XRCC5: variants seen among roughly 807,000 people sequenced by gnomAD.
XRCC5 encodes X-ray repair cross complementing 5, also known as DNA repair protein Ku80.
In XRCC5, 12 loss-of-function variants were observed where a neutral mutation model predicts 95.7. That is an observed-to-expected ratio of 0.13 (90% CI 0.08 to 0.20). The LOEUF (loss-of-function observed/expected upper bound fraction) is 0.20, where lower values mean the gene tolerates loss of function less well. XRCC5 is among the 10% of genes least tolerant of loss of function. The pLI is 1.00. For synonymous variants in XRCC5, 281 were observed against 290.3 expected, an observed-to-expected ratio of 0.97 and a Z score of 0.33; for missense variants, 595 against 873.9, an observed-to-expected ratio of 0.68 and a Z score of 4.02.
At chr2:216,184,289 GAAAAC>G (rs1689451354) in intron 16 of XRCC5, among the ~76,000 whole-genome samples, 2 of 152,228 alleles carry the variant, frequency 1.3e-5, no homozygotes, top group African/African-American at 4.8e-5. Flanking sequence ...AAGTAGAAGT[GAAAAC>G]AATATTTTTT....
At position 216,206,189 on chromosome 2, in the gene XRCC5, C is replaced by T. The variant is rs191214016; in HGVS notation, c.*987C>T. On this transcript the variant is annotated 3_prime_UTR_variant, in exon 21 of 21. Transcript: ENST00000392132. ...CAGTTCCTCTTTGGTGTACAGACTT[C>T]TTGGTACCCAGTCACCTCTGTCTTC... The T allele has an allele frequency of 6.6e-6, 1 of 152,146 alleles. No individual in the cohort carries two copies. Among genetic ancestry groups the T allele is most frequent in the Non-Finnish European group, 1.5e-5 (1 of 68,032 alleles). 9.4% of individuals were successfully genotyped at this position (152,146 alleles called of 1,614,324 possible). A position where few individuals can be genotyped will look rare whatever the true frequency, so the allele number is the denominator to read the frequency against.
At chr2:216,118,489 C>G (rs549481105) in intron 4 of XRCC5, among the ~76,000 whole-genome samples, 1 of 152,222 alleles carries the variant, frequency 6.6e-6, no homozygotes, top group South Asian at 2.1e-4. Context: ...CTTCCTAATT[C>G]AGTATTTATT....
intron 13 of XRCC5, among the ~76,000 whole-genome samples, chr2:216,142,166 T>C (rs968274030): frequency 3.3e-5 from 5 of 152,198 alleles, no homozygotes; most frequent in African/African-American, 9.6e-5. Context: ...GATGCCTCTT[T>C]TATATTTTTT....
At chr2:216,164,366 GTTT>G (rs1205838289) in intron 16 of XRCC5, among the ~76,000 whole-genome samples, 2 of 152,322 alleles carry the variant, frequency 1.3e-5, no homozygotes, top group East Asian at 3.9e-4. Context: ...GCCACTAGCG[GTTT>G]CATATTTACT....
In XRCC5 at chr2:216,168,770, G is replaced by T. The variant is rs190803936; in HGVS notation, c.1834+6722G>T. Reference sequence around the variant, plus strand: ...CTTATAAAGGGTTACAGCTTGCAAGGTGGAAATAGCAAGGCCAAGTGGACC... The same window carrying T: ...CTTATAAAGGGTTACAGCTTGCAAGTTGGAAATAGCAAGGCCAAGTGGACC... On this transcript the variant is annotated intron_variant, in intron 16 of 20. Coordinates refer to ENST00000392132, the MANE Select transcript of XRCC5 (RefSeq NM_021141.4). Among the ~76,000 whole-genome samples the T allele has an allele frequency of 3.9e-5, 6 of 152,318 alleles. No individual in the cohort carries two copies. The East Asian group carries it at 1.2e-3, about 29-fold the overall frequency.
At chr2:216,182,847 A>G (rs576386246) in intron 16 of XRCC5, among the ~76,000 whole-genome samples, 33 of 152,140 alleles carry the variant, frequency 2.2e-4, no homozygotes, top group Admixed American at 2.0e-3. Flanking sequence ...GCTTTATGGG[A>G]TATGTTTAGT....
At chr2:216,142,132 G>C (rs1325541520) in intron 13 of XRCC5, among the ~76,000 whole-genome samples, 1 of 152,084 alleles carries the variant, frequency 6.6e-6, no homozygotes, top group Non-Finnish European at 1.5e-5. Flanking sequence ...TGGGACTCCA[G>C]GTGTATACCA....
At chr2:216,130,236 CTTT>C (rs5838568) in intron 8 of XRCC5, among the ~76,000 whole-genome samples, 1 of 125,684 alleles carries the variant, frequency 8.0e-6, no homozygotes. Context: ...CAGGGCTGGA[CTTT>C]TTTTTTTTTT....
intron 16 of XRCC5, chr2:216,175,088 C>A: frequency 3.2e-6 from 1 of 309,156 alleles, no homozygotes; most frequent in South Asian, 3.4e-5. Context: ...CCAAAATTTC[C>A]TCCTTCATTG....
In XRCC5 at chr2:216,132,428, G is replaced by C. The variant is rs1452362926; in HGVS notation, c.1113+41G>C. On this transcript the variant is annotated intron_variant, in intron 10 of 20. Transcript: ENST00000392132. ...GTCTTTGAGGTAGTGCTACAGAATT[G>C]AATTGTAAGTCTATGAAAGCAAGTT... is the stretch of plus-strand genomic sequence containing the variant. 4 of 1,599,384 alleles carry C rather than the reference G, an allele frequency of 2.5e-6. No homozygotes were observed. In the South Asian group the frequency reaches 4.4e-5, roughly 18 times the overall value.
intron 2 of XRCC5, among the ~76,000 whole-genome samples, chr2:216,115,654 A>G (rs1053087803): frequency 2.0e-5 from 3 of 148,486 alleles, no homozygotes; most frequent in African/African-American, 7.9e-5. Flanking sequence ...GCTTATGTTA[A>G]TAATTAGACA....
At chr2:216,167,319 G>T (rs1689069074) in intron 16 of XRCC5, among the ~76,000 whole-genome samples, 1 of 151,784 alleles carries the variant, frequency 6.6e-6, no homozygotes, top group Admixed American at 6.6e-5. Context: ...ATTTTTAAAA[G>T]ATATTTCCTA....
chr2:216,161,615 A>G (rs934990382), intron 15 of XRCC5, among the ~76,000 whole-genome samples: 2 of 152,220 alleles, frequency 1.3e-5, no homozygotes, highest in African/African-American at 4.8e-5. Flanking sequence ...CCGACCCCAC[A>G]CTGCAGAATC....
At chr2:216,203,753 C>T (rs1689888620) in intron 19 of XRCC5, among the ~76,000 whole-genome samples, 1 of 152,044 alleles carries the variant, frequency 6.6e-6, no homozygotes. Flanking sequence ...AACAACCTTC[C>T]AAGCTCACTC....
intron 16 of XRCC5, among the ~76,000 whole-genome samples, chr2:216,187,923 A>T (rs1264320558): frequency 7.1e-6 from 1 of 139,910 alleles, no homozygotes; most frequent in East Asian, 2.1e-4. Context: ...CTCCTTCTTC[A>T]GCTCCCTTTC....
intron 16 of XRCC5, among the ~76,000 whole-genome samples, chr2:216,179,159 C>G (rs1426220086): frequency 6.6e-6 from 1 of 152,214 alleles, no homozygotes; most frequent in Non-Finnish European, 1.5e-5. Context: ...GGGGGAGAAT[C>G]TGTTCAATGC....
intron 16 of XRCC5, among the ~76,000 whole-genome samples, chr2:216,187,811 A>C: frequency 9.2e-6 from 1 of 108,766 alleles, no homozygotes; most frequent in Admixed American, 8.6e-5. Context: ...ACACACACAC[A>C]CACACACACA....
intron 6 of XRCC5, among the ~76,000 whole-genome samples, chr2:216,123,917 T>C (rs1696862058): frequency 6.6e-6 from 1 of 152,264 alleles, no homozygotes; most frequent in African/African-American, 2.4e-5. Context: ...TGACTATGCA[T>C]TGTTTTAGCA....
At chr2:216,192,078 A>G (rs762750297) in intron 17 of XRCC5, among the ~76,000 whole-genome samples, 14 of 152,202 alleles carry the variant, frequency 9.2e-5, no homozygotes, top group Admixed American at 5.9e-4. Flanking sequence ...GGCTCACTGC[A>G]ACCTCCGCCT....
Sources: gnomAD v4.1 joint callset for allele counts (sites outside exome capture counted in the v4.1 genomes callset) on GRCh38, gnomAD v4.1.1 for gene constraint, MANE v1.5 for transcripts, NCBI Gene and HGNC (gene_info 2026-07-23, HGNC 2026-07-21) for gene names.